The following GUCY1A2 variants were observed in gnomAD, a reference collection of about 807,000 sequenced individuals.
GUCY1A2 encodes guanylate cyclase soluble subunit alpha-2.
In GUCY1A2, 27 loss-of-function variants were observed where a neutral mutation model predicts 63.5. The ratio of observed to expected loss-of-function variants is 0.43; its 90% CI spans 0.31 to 0.59. GUCY1A2 has a LOEUF of 0.59. Ranked by LOEUF, GUCY1A2 falls within the 20% of genes least tolerant of loss-of-function variation. The pLI is 0.11. For synonymous variants in GUCY1A2, 364 were observed against 343.5 expected (o/e 1.06, Z -0.66); for missense variants, 768 against 913.3 (o/e 0.84, Z 2.05).
chr11:106,828,716 A>G (rs998926715), intron 4 of GUCY1A2, among the ~76,000 whole-genome samples: 13 of 151,448 alleles, frequency 8.6e-5, no homozygotes, highest in Non-Finnish European at 1.5e-5. Flanking sequence ...TTGAACCCTG[A>G]CCTCTTGACC....
intron 4 of GUCY1A2, among the ~76,000 whole-genome samples, chr11:106,880,735 C>T (rs1859812289): frequency 6.6e-6 from 1 of 152,002 alleles, no homozygotes. Context: ...TTCTCAGAGC[C>T]TTTACCATAT....
chr11:106,798,247 G>A (rs559113749), intron 5 of GUCY1A2, among the ~76,000 whole-genome samples: 31 of 152,232 alleles, frequency 2.0e-4, no homozygotes, highest in Admixed American at 8.5e-4. Flanking sequence ...ACCCATAACA[G>A]GGTCTGAAAT....
At chr11:106,765,384 G>A (rs1397760792) in intron 6 of GUCY1A2, among the ~76,000 whole-genome samples, 2 of 152,042 alleles carry the variant, frequency 1.3e-5, no homozygotes, top group Admixed American at 6.6e-5. Flanking sequence ...AGAAAACTGA[G>A]TCTATTTCTC....
intron 1 of GUCY1A2, among the ~76,000 whole-genome samples, chr11:106,993,795 C>T (rs748678094): frequency 2.6e-5 from 4 of 152,076 alleles, no homozygotes; most frequent in Admixed American, 6.6e-5. Context: ...AACATACTGG[C>T]GGTTAAACAA....
Position 106,682,563 on chromosome 11 carries a change from T to C in GUCY1A2, c.*4986A>G, listed in dbSNP as rs1862449976. The C allele has an allele frequency of 4.7e-6, 1 of 212,322 alleles. No homozygotes were observed. The allele number at this position is 212,322 out of a possible 1,614,324, so 13.2% of individuals were successfully genotyped here. A position where few individuals can be genotyped will look rare whatever the true frequency, so the allele number is the denominator to read the frequency against. On this transcript the variant is annotated 3_prime_UTR_variant, in exon 8 of 8. Transcript: ENST00000526355. ...TCTTAAGGATGGGATGGCAATGAGG[T>C]ACTTAACTGAAACCGTGATCTGGTT... is the stretch of plus-strand genomic sequence containing the variant.
intron 5 of GUCY1A2, among the ~76,000 whole-genome samples, chr11:106,807,243 T>G (rs1478886438): frequency 1.3e-5 from 2 of 152,184 alleles, no homozygotes; most frequent in Non-Finnish European, 2.9e-5. Context: ...ACCTCTGGGA[T>G]TCTTTGTTTC....
intron 4 of GUCY1A2, among the ~76,000 whole-genome samples, chr11:106,907,992 C>G (rs1020640117): frequency 6.6e-6 from 1 of 152,076 alleles, no homozygotes; most frequent in Non-Finnish European, 1.5e-5. Flanking sequence ...TTACACAATC[C>G]AAATACAATA....
chr11:106,868,628 C>T (rs546229258), intron 4 of GUCY1A2, among the ~76,000 whole-genome samples: 1 of 152,236 alleles, frequency 6.6e-6, no homozygotes, highest in African/African-American at 2.4e-5. Flanking sequence ...AATGGAAGAA[C>T]ATTCCATGCT....
At chr11:106,841,306 T>C (rs1199933245) in intron 4 of GUCY1A2, among the ~76,000 whole-genome samples, 1 of 151,890 alleles carries the variant, frequency 6.6e-6, no homozygotes, top group Non-Finnish European at 1.5e-5. Context: ...CCCCAATATG[T>C]TAGGTGTATT....
At chr11:106,790,105 C>G (rs1440004012) in intron 5 of GUCY1A2, among the ~76,000 whole-genome samples, 1 of 152,186 alleles carries the variant, frequency 6.6e-6, no homozygotes, top group Non-Finnish European at 1.5e-5. Context: ...TGAGTTACCC[C>G]AAGGCCCAGA....
At chr11:106,720,986 A>G (rs1287553763) in intron 6 of GUCY1A2, among the ~76,000 whole-genome samples, 1 of 152,212 alleles carries the variant, frequency 6.6e-6, no homozygotes, top group East Asian at 1.9e-4. Flanking sequence ...CTGAAAAACG[A>G]AAAACATTCT....
At chr11:106,991,797 C>A (rs1861473537) in intron 1 of GUCY1A2, among the ~76,000 whole-genome samples, 1 of 152,188 alleles carries the variant, frequency 6.6e-6, no homozygotes, top group Non-Finnish European at 1.5e-5. Context: ...TTTAATCTCA[C>A]AGTAACCCAC....
chr11:106,766,255 A>C (rs1864161270), intron 6 of GUCY1A2, among the ~76,000 whole-genome samples: 1 of 152,102 alleles, frequency 6.6e-6, no homozygotes, highest in African/African-American at 2.4e-5. Context: ...ACAAAACCAA[A>C]GTGAGTTAAT....
chr11:106,796,519 C>A (rs1263783441), intron 5 of GUCY1A2, among the ~76,000 whole-genome samples: 1 of 152,092 alleles, frequency 6.6e-6, no homozygotes, highest in African/African-American at 2.4e-5. Flanking sequence ...GATTTTATTT[C>A]TCCTTCAGTT....
At chr11:106,701,633 G>T (rs1162956993) in intron 7 of GUCY1A2, among the ~76,000 whole-genome samples, 4 of 144,796 alleles carry the variant, frequency 2.8e-5, no homozygotes, top group Admixed American at 6.8e-5. Context: ...GGAAGGGTAA[G>T]GGGGAGGAGA....
At chr11:106,839,266 G>T (rs1052707610) in intron 4 of GUCY1A2, among the ~76,000 whole-genome samples, 1 of 151,932 alleles carries the variant, frequency 6.6e-6, no homozygotes, top group African/African-American at 2.4e-5. Flanking sequence ...TGTCAGGTTT[G>T]TCAAAGATCA....
chr11:106,912,924 G>A (rs1860315395), intron 4 of GUCY1A2, among the ~76,000 whole-genome samples: 1 of 152,058 alleles, frequency 6.6e-6, no homozygotes, highest in Non-Finnish European at 1.5e-5. Context: ...AACCTATACT[G>A]ATTTCTACCA....
At position 106,813,225 on chromosome 11, in the gene GUCY1A2, A is replaced by C. The variant is rs933241581; in HGVS notation, c.1207-2747T>G. On this transcript the variant is annotated intron_variant, in intron 4 of 7. Coordinates refer to ENST00000526355, the MANE Select transcript of GUCY1A2 (RefSeq NM_000855.3). The stretch of plus-strand genomic sequence containing the variant: ...GACATAAGAAAAATAAATTGTCATA[A>C]CATTTGTCAGATTTCAGAAATTGGC... Among the ~76,000 whole-genome samples the C allele has an allele frequency of 2.0e-5, 3 of 152,020 alleles. No homozygotes were observed. The East Asian group carries it at 5.8e-4, about 29-fold the overall frequency.
chr11:106,891,282 C>T (rs116567933), intron 4 of GUCY1A2, among the ~76,000 whole-genome samples: 1 of 152,114 alleles, frequency 6.6e-6, no homozygotes, highest in East Asian at 1.9e-4. Context: ...CAAGCCTTTG[C>T]TTTTATTTAA....
Sources: allele counts gnomAD v4.1 joint callset (sites outside exome capture counted in the v4.1 genomes callset), GRCh38; gene constraint gnomAD v4.1.1; transcripts MANE v1.5; gene names NCBI Gene and HGNC (gene_info 2026-07-23, HGNC 2026-07-21).